Variants in CDCA7 observed in about 807,000 individuals in gnomAD.
CDCA7 encodes the protein cell division cycle associated 7.
Under a neutral mutation model 54.0 loss-of-function variants are expected in CDCA7, and 28 were observed. The observed-to-expected ratio is 0.52, with a 90% CI of 0.38 to 0.71. The LOEUF is 0.71. CDCA7 is among the 30% of genes least tolerant of loss of function. The pLI is 0.00. For synonymous variants in CDCA7, 180 were observed against 208.2 expected (o/e 0.86, Z 1.16); for missense variants, 484 against 586.0 (o/e 0.83, Z 1.80).
rs142891986 is a variant in CDCA7 at position 173,367,198 on chromosome 2, C to T, written c.1234C>T (p.Arg412Trp). Residue 412 changes from arginine (R) to tryptophan (W), a missense_variant, in exon 9 of 10, where the codon CGG becomes TGG. By Grantham distance (101) the Arg-to-Trp change is moderately radical. This residue lies in a region of CDCA7 where 83 missense variants were observed against 122.3 expected (regional missense o/e 0.68). Transcript: ENST00000306721. ...AGGAATCTGCAACTGCAGTTTCTGCCGGCAGCGAGATGGACGGTGTGCGAC... is the reference window on the plus strand; with the variant it reads ...AGGAATCTGCAACTGCAGTTTCTGCTGGCAGCGAGATGGACGGTGTGCGAC... ...CRGICNCSFC[R>W]QRDGRCATGV... 7 of 1,605,838 alleles carry T rather than the reference C, an allele frequency of 4.4e-6. No homozygotes were observed. Among genetic ancestry groups the T allele is most frequent in the Admixed American group, 1.7e-5 (1 of 58,202 alleles).
chr2:173,355,662 A>G (rs1449348380), intron 1 of CDCA7, among the ~76,000 whole-genome samples: 1 of 104,650 alleles, frequency 9.6e-6, no homozygotes, highest in African/African-American at 3.6e-5. Flanking sequence ...CTCCACCCCA[A>G]CCCCCAACCC....
intron 5 of CDCA7, 174 bp from the exon 6 acceptor site, chr2:173,364,621 A>G: frequency 1.2e-6 from 1 of 827,602 alleles, no homozygotes; most frequent in Non-Finnish European, 1.7e-6. Flanking sequence ...CAAAATTAAG[A>G]TGGCCATATA....
intron 1 of CDCA7, among the ~76,000 whole-genome samples, chr2:173,357,875 A>G (rs902414387): frequency 1.3e-5 from 2 of 151,674 alleles, no homozygotes; most frequent in African/African-American, 4.9e-5. Context: ...TGTCTTTACA[A>G]TTTTCCTGCA....
chr2:173,362,930 T>C (rs1686650181), intron 3 of CDCA7, among the ~76,000 whole-genome samples: 1 of 152,126 alleles, frequency 6.6e-6, no homozygotes, highest in Non-Finnish European at 1.5e-5. Flanking sequence ...TAAAGATCTG[T>C]TTCTAAAGAA....
At chr2:173,367,489 C>A in intron 9 of CDCA7, 145 bp from the exon 10 acceptor site, 1 of 1,273,734 alleles carries the variant, frequency 7.9e-7, no homozygotes, top group Non-Finnish European at 1.1e-6. Flanking sequence ...ATGAAAAAGT[C>A]AGGTAATATA....
rs2106393589 is a variant in CDCA7 at position 173,368,700 on chromosome 2, CCCT to C, written c.*1041_*1043del. The C allele has an allele frequency of 6.6e-6, 1 of 152,282 alleles. No homozygotes were observed. Among genetic ancestry groups the C allele is most frequent in the African/African-American group, 2.4e-5 (1 of 41,538 alleles). The allele number at this position is 152,282 out of a possible 1,614,324, so 9.4% of individuals were successfully genotyped here. ...GGCAGGTTTCCTGTGTCAGTATTCC[CCCT>C]CCTCTTTGCATTAATCAAGGTATTT... On this transcript the variant is annotated 3_prime_UTR_variant, in exon 10 of 10. Coordinates refer to ENST00000306721, the MANE Select transcript of CDCA7 (RefSeq NM_031942.5).
intron 3 of CDCA7, 81 bp from the exon 4 acceptor site, chr2:173,363,145 C>G: frequency 7.6e-7 from 1 of 1,311,940 alleles, no homozygotes; most frequent in Non-Finnish European, 1.1e-6. Flanking sequence ...ATACAAGTGT[C>G]TCATTGAAAA....
intron 2 of CDCA7, 103 bp downstream of exon 2, chr2:173,358,940 A>G: frequency 6.9e-7 from 1 of 1,447,928 alleles, no homozygotes; most frequent in Non-Finnish European, 9.4e-7. Context: ...CTACATTTCT[A>G]TACAGCCGTT....
intron 1 of CDCA7, among the ~76,000 whole-genome samples, chr2:173,355,773 C>A (rs1370225739): frequency 6.6e-6 from 1 of 150,526 alleles, no homozygotes; most frequent in African/African-American, 2.4e-5. Context: ...GGGTCGGGCT[C>A]CTGGAGAGGG....
rs1279158639 is a variant in CDCA7 at position 173,366,748 on chromosome 2, A to G, written c.1185+316A>G. Among the ~76,000 whole-genome samples, 1 of 152,172 alleles carries G rather than the reference A, an allele frequency of 6.6e-6. No individual in the cohort carries two copies. Among genetic ancestry groups the G allele is most frequent in the East Asian group, 1.9e-4 (1 of 5,192 alleles). The stretch of plus-strand genomic sequence containing the variant: ...GAGACGGGGTTTCACCACATTGGCC[A>G]GGATGGTGTGGTGGTACAAGATCTC... On this transcript the variant is annotated intron_variant, in intron 8 of 9. Transcript: ENST00000306721. This position sits in a 1 kb window ranked among gnomAD's most constrained non-coding sequence, Gnocchi z 4.5.
chr2:173,354,884 C>T lies in CDCA7; in HGVS notation c.-80C>T, dbSNP rs569902046. ...GCCTGCCAGCCGCGCTGCTGCTGCT[C>T]CTCCTGCTGTGGGACCGCTGACCGC... On this transcript the variant is annotated 5_prime_UTR_variant, in exon 1 of 10. Coordinates refer to ENST00000306721, the MANE Select transcript of CDCA7 (RefSeq NM_031942.5). 3.5e-6 allele frequency: 5 copies of T among 1,413,924 alleles called. No individual in the cohort carries two copies. Among genetic ancestry groups the T allele is most frequent in the East Asian group, 3.2e-5 (1 of 31,628 alleles). The allele number at this position is 1,413,924 out of a possible 1,614,324, so 87.6% of individuals were successfully genotyped here. A position where few individuals can be genotyped will look rare whatever the true frequency, so the allele number is the denominator to read the frequency against.
rs1237707188 is a variant in CDCA7 at position 173,366,721 on chromosome 2, T to G, written c.1185+289T>G. ...ACCTAGCTAATTTTTGTATTTTTAG[T>G]AGAGACGGGGTTTCACCACATTGGC... On this transcript the variant is annotated intron_variant, in intron 8 of 9. Coordinates refer to ENST00000306721, the MANE Select transcript of CDCA7 (RefSeq NM_031942.5). The surrounding 1 kb of genome is among the most constrained non-coding windows in gnomAD (Gnocchi z 4.5). Among the ~76,000 whole-genome samples, 2 of 152,150 alleles carry G rather than the reference T, an allele frequency of 1.3e-5. No individual in the cohort carries two copies. Among genetic ancestry groups the G allele is most frequent in the African/African-American group, 4.8e-5 (2 of 41,420 alleles).
At chr2:173,355,136 T>C (rs1686470879) in intron 1 of CDCA7, 152 bp downstream of exon 1, 2 of 937,766 alleles carry the variant, frequency 2.1e-6, no homozygotes, top group East Asian at 6.7e-5. Flanking sequence ...CCTGATTTTG[T>C]GCACCTGGGA....
At chr2:173,358,555 T>A in intron 1 of CDCA7, 157 bp from the exon 2 acceptor site, 1 of 740,486 alleles carries the variant, frequency 1.4e-6, no homozygotes, top group South Asian at 3.0e-5. Context: ...AGAAAAAATT[T>A]TTTGTAGCAG....
At chr2:173,359,924 G>C (rs1370119541) in intron 3 of CDCA7, among the ~76,000 whole-genome samples, 2 of 152,148 alleles carry the variant, frequency 1.3e-5, no homozygotes, top group Non-Finnish European at 2.9e-5. Context: ...TTACGTGCAG[G>C]AGCTCCATTG....
At chr2:173,361,270 G>A (rs1228343391) in intron 3 of CDCA7, among the ~76,000 whole-genome samples, 1 of 152,098 alleles carries the variant, frequency 6.6e-6, no homozygotes, top group African/African-American at 2.4e-5. Flanking sequence ...ACAAGTTTTT[G>A]TGTAGTTTTT....
At chr2:173,358,871 C>T (rs758076988) in intron 2 of CDCA7, 34 bp downstream of exon 2, 6 of 1,592,048 alleles carry the variant, frequency 3.8e-6, no homozygotes, top group Non-Finnish European at 5.1e-6. Context: ...AGAATTGAGT[C>T]TGCAGTGCTC....
In CDCA7 at chr2:173,367,282, A is replaced by G. The variant is rs1372425696; in HGVS notation, c.1318A>G (p.Lys440Glu). 1.2e-6 allele frequency: 2 copies of G among 1,614,044 alleles called. No individual in the cohort carries two copies. Among genetic ancestry groups the G allele is most frequent in the East Asian group, 2.2e-5 (1 of 44,874 alleles). The change falls in exon 9 of 10, where the codon AAA becomes GAA. Residue 440 changes from lysine (K) to glutamate (E), a missense_variant. By Grantham distance (56) the Lys-to-Glu change is moderately conservative (BLOSUM62 1). Around this residue, in one of 3 missense-constraint regions of CDCA7, gnomAD observed 83 missense variants for 122.3 expected, o/e 0.68. Transcript: ENST00000306721. ...CTTTGGGAATGTGCATGCCTACTTG[A>G]AAAGGTAGTGGGTGTTTTTTTTTCC... The part of the protein sequence containing the change: ...HGFGNVHAYL[K>E]SLKQEFEMQA
At chr2:173,357,024 C>T (rs767806117) in intron 1 of CDCA7, among the ~76,000 whole-genome samples, 3 of 152,222 alleles carry the variant, frequency 2.0e-5, no homozygotes, top group Admixed American at 6.5e-5. Context: ...GGTCACCTGA[C>T]ATCTTACATC....
Sources: gnomAD v4.1 joint callset for allele counts (sites outside exome capture counted in the v4.1 genomes callset) on GRCh38, gnomAD v4.1.1 for gene constraint, gnomAD v4.1.1 regional missense constraint, Gnocchi (gnomAD v3.1) non-coding constraint, MANE v1.5 for transcripts, NCBI Gene and HGNC (gene_info 2026-07-23, HGNC 2026-07-21) for gene names.